Variants in PCGF6 observed in about 807,000 individuals in gnomAD.
The protein encoded by PCGF6 is polycomb group ring finger 6.
A neutral mutation model predicts 45.5 loss-of-function variants in PCGF6; 24 were observed. The ratio of observed to expected loss-of-function variants is 0.53; its 90% CI spans 0.38 to 0.74. The LOEUF (loss-of-function observed/expected upper bound fraction) is 0.74. Among genes scored for constraint, PCGF6 ranks in the 30% least tolerant of loss-of-function variants. The pLI, the probability that PCGF6 is intolerant of heterozygous loss-of-function variation, is 0.00. For missense variants in PCGF6, 356 were observed against 443.2 expected (o/e 0.80, Z 1.77); for synonymous variants, 152 against 162.1 (o/e 0.94, Z 0.47).
At position 103,351,097 on chromosome 10, in the gene PCGF6, G is replaced by C. The variant is rs1374348832; in HGVS notation, c.-31C>G. On this transcript the variant is annotated 5_prime_UTR_variant, in exon 1 of 10. Coordinates refer to ENST00000369847, the MANE Select transcript of PCGF6 (RefSeq NM_001011663.2). ...GGAGAGACACCAGGCGAGGCGAGGCGGCGGGAGAGCGCGGGAGTTCGGCCG... is the reference window on the plus strand; with the variant it reads ...GGAGAGACACCAGGCGAGGCGAGGCCGCGGGAGAGCGCGGGAGTTCGGCCG... 1 of 1,344,908 alleles carries C rather than the reference G, an allele frequency of 7.4e-7. No homozygotes were observed. Among genetic ancestry groups the C allele is most frequent in the African/African-American group, 1.5e-5 (1 of 66,548 alleles). 83.3% of individuals were successfully genotyped at this position (1,344,908 alleles called of 1,614,324 possible). A position where few individuals can be genotyped will look rare whatever the true frequency, so the allele number is the denominator to read the frequency against.
chr10:103,350,940 C>G lies in PCGF6; in HGVS notation c.127G>C (p.Glu43Gln). The G allele has an allele frequency of 6.7e-7, 1 of 1,498,870 alleles. No homozygotes were observed. The highest frequency in any genetic ancestry group is 1.3e-5 in the South Asian group (1 of 78,350). 92.8% of individuals were successfully genotyped at this position (1,498,870 alleles called of 1,614,324 possible). A position where few individuals can be genotyped will look rare whatever the true frequency, so the allele number is the denominator to read the frequency against. ...GTCTCAGACAGAGGCGCCGGTCCCT[C>G]CTCACCCGCTGCGGGTGCAGGGGTG... ...ALTPAPAAGEEGPAPLSETGA... is the reference protein window; with the variant it reads ...ALTPAPAAGEQGPAPLSETGA... Residue 43 changes from glutamate (E) to glutamine (Q), a missense_variant, in exon 1 of 10, where the codon GAG becomes CAG. Coordinates refer to ENST00000369847, the MANE Select transcript of PCGF6 (RefSeq NM_001011663.2).
Position 103,326,547 on chromosome 10 carries a change from T to C in PCGF6, c.896A>G (p.Asp299Gly). The C allele has an allele frequency of 6.2e-7, 1 of 1,611,146 alleles. No individual in the cohort carries two copies. The highest frequency in any genetic ancestry group is 8.5e-7 in the Non-Finnish European group (1 of 1,179,176). Residue 299 changes from aspartate to glycine, a missense_variant, in exon 8 of 10, where the codon GAT becomes GGT. This residue lies in a region of PCGF6 where 49 missense variants were observed against 93.0 expected (regional missense o/e 0.53). Coordinates refer to ENST00000369847, the MANE Select transcript of PCGF6 (RefSeq NM_001011663.2). ...EKFLRRKMGL[D>G]PACQVDIICG... is the part of the protein sequence containing the mutation. ...TATGTACTGTACCTGACAAGCTGGA[T>C]CAAGACCCATTTTTCTTCTGAGGAA...
rs753079254 is a variant in PCGF6 at position 103,351,084 on chromosome 10, G to A, written c.-18C>T. 8.9e-6 allele frequency: 12 copies of A among 1,353,148 alleles called. No homozygotes were observed. Among genetic ancestry groups the A allele is most frequent in the Non-Finnish European group, 9.5e-6 (10 of 1,052,238 alleles). The allele number at this position is 1,353,148 out of a possible 1,614,324, so 83.8% of individuals were successfully genotyped here. A position where few individuals can be genotyped will look rare whatever the true frequency, so the allele number is the denominator to read the frequency against. ...CCCTCCATGGTCGGGAGAGACACCA[G>A]GCGAGGCGAGGCGGCGGGAGAGCGC... On this transcript the variant is annotated 5_prime_UTR_variant, in exon 1 of 10. Transcript: ENST00000369847.
Position 103,330,452 on chromosome 10 carries a change from T to C in PCGF6, c.810+3473A>G, listed in dbSNP as rs544575166. Among the ~76,000 whole-genome samples, 47 of 152,320 alleles carry C rather than the reference T, an allele frequency of 3.1e-4. 2 individuals carry two copies. The South Asian group carries it at 9.1e-3, about 30-fold the overall frequency. On this transcript the variant is annotated intron_variant, in intron 7 of 9. Transcript: ENST00000369847. ...CCAAGCAAATTACAAACAATGTTTC[T>C]ATTCAAAGTTTCTATCGAATCTTGG... is the stretch of plus-strand genomic sequence containing the variant.
intron 7 of PCGF6, among the ~76,000 whole-genome samples, chr10:103,326,877 G>C (rs1239139577): frequency 6.6e-6 from 1 of 152,068 alleles, no homozygotes; most frequent in Admixed American, 6.6e-5. Context: ...AGGCTTGCTG[G>C]TTTATTTTAA....
At chr10:103,327,240 G>A (rs898069473) in intron 7 of PCGF6, among the ~76,000 whole-genome samples, 1 of 152,108 alleles carries the variant, frequency 6.6e-6, no homozygotes, top group Non-Finnish European at 1.5e-5. Context: ...AGCCAAGATC[G>A]TGCCATTGTA....
intron 7 of PCGF6, among the ~76,000 whole-genome samples, chr10:103,327,433 T>C (rs1435532590): frequency 6.6e-6 from 1 of 152,192 alleles, no homozygotes; most frequent in Non-Finnish European, 1.5e-5. Flanking sequence ...TGAATCCTGA[T>C]TGAAAAACTA....
intron 6 of PCGF6, among the ~76,000 whole-genome samples, chr10:103,336,803 A>AGGC (rs879605778): frequency 1.8e-4 from 28 of 152,112 alleles, no homozygotes; most frequent in Non-Finnish European, 3.5e-4. Flanking sequence ...TGAACCCGGG[A>AGGC]GGCGGAGGTT....
chr10:103,332,505 G>T lies in PCGF6; in HGVS notation c.810+1420C>A, dbSNP rs2093243744. Among the ~76,000 whole-genome samples, 3 of 151,878 alleles carry T rather than the reference G, an allele frequency of 2.0e-5. No homozygotes were observed. In the South Asian group the frequency reaches 6.2e-4, roughly 32 times the overall value. ...TGCCCAGACTGGTCTTGAACTCCTGGCTCCAAGCAATCCTCCTGAGTTGGC... is the reference window on the plus strand; with the variant it reads ...TGCCCAGACTGGTCTTGAACTCCTGTCTCCAAGCAATCCTCCTGAGTTGGC... On this transcript the variant is annotated intron_variant, in intron 7 of 9. Coordinates refer to ENST00000369847, the MANE Select transcript of PCGF6 (RefSeq NM_001011663.2).
intron 8 of PCGF6, among the ~76,000 whole-genome samples, chr10:103,326,282 G>A (rs1235593632): frequency 1.3e-5 from 2 of 151,486 alleles, no homozygotes; most frequent in Non-Finnish European, 2.9e-5. Flanking sequence ...CCAGCTACTC[G>A]GGAGGCTGAC....
At chr10:103,340,194 A>ATATATATAT (rs1313278844) in intron 6 of PCGF6, among the ~76,000 whole-genome samples, 26 of 106,500 alleles carry the variant, frequency 2.4e-4, no homozygotes, top group African/African-American at 1.0e-3. Flanking sequence ...AAAAAAAAAA[A>ATATATATAT]AAAAATATAT....
chr10:103,316,013 T>G (rs3062791), intron 8 of PCGF6, among the ~76,000 whole-genome samples: 36,304 of 118,962 alleles, frequency 0.31, 5,259 homozygotes, highest in Non-Finnish European at 0.37. Flanking sequence ...TATATATATA[T>G]AGAGAGAGAG....
chr10:103,336,797 C>T (rs1219794499), intron 6 of PCGF6, among the ~76,000 whole-genome samples: 1 of 152,048 alleles, frequency 6.6e-6, no homozygotes, highest in Non-Finnish European at 1.5e-5. Context: ...ATCACTTGAA[C>T]CCGGGAGGCG....
intron 7 of PCGF6, among the ~76,000 whole-genome samples, chr10:103,328,814 C>A (rs1226564243): frequency 6.6e-6 from 1 of 151,894 alleles, no homozygotes; most frequent in African/African-American, 2.4e-5. Flanking sequence ...TGCAGTGGAG[C>A]GATCGTGGCT....
chr10:103,307,224 C>A (rs903377748), intron 9 of PCGF6, among the ~76,000 whole-genome samples: 14 of 152,300 alleles, frequency 9.2e-5, no homozygotes, highest in South Asian at 4.1e-4. Context: ...TGGAGTATCA[C>A]TTGAGCTCAG....
In PCGF6 at chr10:103,333,868, C is replaced by T. The variant is rs190981045; in HGVS notation, c.810+57G>A. 1.6e-4 allele frequency: 215 copies of T among 1,360,654 alleles called. 1 individual carries two copies. The African/African-American group carries it at 2.8e-3, about 18-fold the overall frequency. The allele number at this position is 1,360,654 out of a possible 1,614,324, so 84.3% of individuals were successfully genotyped here. ...TCTCCATTTGGTTGCTAATCTGACT[C>T]GAATTTGTGTGCTACAGAGTCCTCT... On this transcript the variant is annotated intron_variant, in intron 7 of 9. Transcript: ENST00000369847.
intron 6 of PCGF6, among the ~76,000 whole-genome samples, chr10:103,334,298 C>T (rs547567083): frequency 2.2e-4 from 34 of 151,848 alleles, no homozygotes; most frequent in African/African-American, 6.0e-4. Context: ...GGTTTTGATA[C>T]GTATATACTG....
intron 8 of PCGF6, among the ~76,000 whole-genome samples, chr10:103,314,824 T>C (rs1248343971): frequency 2.0e-5 from 3 of 151,568 alleles, no homozygotes; most frequent in Non-Finnish European, 4.4e-5. Context: ...GTGGTAATCA[T>C]GGTGCCTGTA....
chr10:103,332,371 C>T (rs765929531), intron 7 of PCGF6, among the ~76,000 whole-genome samples: 2 of 152,154 alleles, frequency 1.3e-5, no homozygotes, highest in African/African-American at 2.4e-5. Context: ...CCTCAATCTC[C>T]TAGGCTCACG....
Sources: gnomAD v4.1 joint callset for allele counts (sites outside exome capture counted in the v4.1 genomes callset) on GRCh38, gnomAD v4.1.1 for gene constraint, gnomAD v4.1.1 regional missense constraint, MANE v1.5 for transcripts, NCBI Gene and HGNC (gene_info 2026-07-23, HGNC 2026-07-21) for gene names.